The following UBL3 variants were observed in gnomAD, a reference collection of about 807,000 sequenced individuals.
UBL3 encodes ubiquitin like 3.
Under a neutral mutation model 18.4 loss-of-function variants are expected in UBL3, and 6 were observed. The observed-to-expected ratio is 0.33, with a 90% CI of 0.18 to 0.64. UBL3 has a LOEUF of 0.64. Ranked by LOEUF, UBL3 falls within the 30% of genes least tolerant of loss-of-function variation. UBL3 has a pLI of 0.76. For missense variants in UBL3, 109 were observed against 142.9 expected (o/e 0.76, Z 1.21); for synonymous variants, 49 against 46.6 (o/e 1.05, Z -0.21).
Position 29,781,416 on chromosome 13 carries a change from A to T in UBL3, c.28-4153T>A, listed in dbSNP as rs1877170574. 3.3e-5 allele frequency among the ~76,000 whole-genome samples: 5 copies of T among 152,326 alleles called. No homozygotes were observed. In the South Asian group the frequency reaches 1.0e-3, roughly 32 times the overall value. Reference sequence around the variant, plus strand: ...TGTATTACTTTTAAAATAGAGTAACATTTAATTCAAAGAGTACTCAATCAT... The same window carrying T: ...TGTATTACTTTTAAAATAGAGTAACTTTTAATTCAAAGAGTACTCAATCAT... On this transcript the variant is annotated intron_variant, in intron 1 of 4. Coordinates refer to ENST00000380680, the MANE Select transcript of UBL3 (RefSeq NM_007106.4).
At chr13:29,831,528 C>T (rs767161014) in intron 1 of UBL3, among the ~76,000 whole-genome samples, 2 of 148,406 alleles carry the variant, frequency 1.3e-5, no homozygotes, top group African/African-American at 2.5e-5. Context: ...ACGGAGGTTG[C>T]GGTGAGCCAA....
At chr13:29,776,233 GTTTT>G (rs964783505) in intron 2 of UBL3, among the ~76,000 whole-genome samples, 8 of 131,810 alleles carry the variant, frequency 6.1e-5, no homozygotes, top group Non-Finnish European at 5.0e-5. Context: ...ACTATTTTGT[GTTTT>G]TTTTTCTTTT....
At chr13:29,777,063 TA>T in intron 2 of UBL3, 91 bp downstream of exon 2, 13 of 1,032,654 alleles carry the variant, frequency 1.3e-5, no homozygotes, top group Non-Finnish European at 1.8e-5. Context: ...GTTGTTCTTT[TA>T]AATGTTATAT....
At chr13:29,771,918 A>C (rs1876850376) in intron 3 of UBL3, among the ~76,000 whole-genome samples, 194 bp downstream of exon 3, 1 of 152,088 alleles carries the variant, frequency 6.6e-6, no homozygotes, top group Non-Finnish European at 1.5e-5. Context: ...CAAGGTAGTA[A>C]ATACTTACTA....
At chr13:29,802,609 C>A (rs1372652035) in intron 1 of UBL3, among the ~76,000 whole-genome samples, 1 of 152,038 alleles carries the variant, frequency 6.6e-6, no homozygotes, top group African/African-American at 2.4e-5. Flanking sequence ...TAAGAAATGA[C>A]CAAACTGATC....
At chr13:29,794,624 T>G (rs933867199) in intron 1 of UBL3, among the ~76,000 whole-genome samples, 1 of 152,218 alleles carries the variant, frequency 6.6e-6, no homozygotes. Flanking sequence ...TATCTTTTAT[T>G]TTTCCTCCAT....
chr13:29,806,616 C>A (rs985381337), intron 1 of UBL3, among the ~76,000 whole-genome samples: 14 of 152,242 alleles, frequency 9.2e-5, no homozygotes, highest in African/African-American at 2.9e-4. Flanking sequence ...TATTTACTGA[C>A]CCCAGTCTAA....
Position 29,764,874 on chromosome 13 carries a change from C to T in UBL3, c.*2381G>A, listed in dbSNP as rs370112511. The T allele has an allele frequency of 1.3e-5, 2 of 152,256 alleles. No individual in the cohort carries two copies. Among genetic ancestry groups the T allele is most frequent in the South Asian group, 2.1e-4 (1 of 4,820 alleles). The allele number at this position is 152,256 out of a possible 1,614,324, so 9.4% of individuals were successfully genotyped here. A position where few individuals can be genotyped will look rare whatever the true frequency, so the allele number is the denominator to read the frequency against. ...ATATGAGGAATCGTATTTTAACCAC[C>T]AGGCAGTCCAAGGAATTATTTTTAA... On this transcript the variant is annotated 3_prime_UTR_variant, in exon 5 of 5. Coordinates refer to ENST00000380680, the MANE Select transcript of UBL3 (RefSeq NM_007106.4).
chr13:29,798,750 T>G (rs1437358441), intron 1 of UBL3, among the ~76,000 whole-genome samples: 1 of 152,198 alleles, frequency 6.6e-6, no homozygotes, highest in Non-Finnish European at 1.5e-5. Flanking sequence ...TCTTCTTAAA[T>G]GAGCAAAATT....
At chr13:29,835,586 C>T (rs946638236) in intron 1 of UBL3, among the ~76,000 whole-genome samples, 5 of 151,482 alleles carry the variant, frequency 3.3e-5, no homozygotes, top group Non-Finnish European at 5.9e-5. Context: ...GAATCCCCAT[C>T]TCTACTAAAA....
chr13:29,849,977 G>A lies in UBL3; in HGVS notation c.-439C>T, dbSNP rs548828585. The A allele has an allele frequency of 1.1e-5, 3 of 270,064 alleles. No homozygotes were observed. The East Asian group carries it at 3.1e-4, about 28-fold the overall frequency. The allele number at this position is 270,064 out of a possible 1,614,324, so 16.7% of individuals were successfully genotyped here. ...CATTAAGCAGGAGAAAAATGCCCCA[G>A]CGTGGATGTACACAGATAACTATGT... is the stretch of plus-strand genomic sequence containing the variant. On this transcript the variant is annotated 5_prime_UTR_variant, in exon 1 of 5. Transcript: ENST00000380680.
intron 1 of UBL3, among the ~76,000 whole-genome samples, chr13:29,807,636 C>A (rs1425428047): frequency 3.3e-5 from 5 of 151,950 alleles, no homozygotes; most frequent in African/African-American, 4.8e-5. Flanking sequence ...AATCTAATAA[C>A]TGTAAGTATA....
chr13:29,780,705 T>C (rs1269367025), intron 1 of UBL3, among the ~76,000 whole-genome samples: 1 of 152,058 alleles, frequency 6.6e-6, no homozygotes, highest in African/African-American at 2.4e-5. Flanking sequence ...AGACTACATT[T>C]ACCTATCCTA....
chr13:29,785,766 A>G (rs188598504), intron 1 of UBL3, among the ~76,000 whole-genome samples: 1 of 152,350 alleles, frequency 6.6e-6, no homozygotes, highest in Non-Finnish European at 1.5e-5. Flanking sequence ...CCTGGATTGC[A>G]AAAGGTTAAT....
At chr13:29,838,636 A>G (rs529720656) in intron 1 of UBL3, among the ~76,000 whole-genome samples, 2 of 152,328 alleles carry the variant, frequency 1.3e-5, no homozygotes, top group East Asian at 3.9e-4. Flanking sequence ...ACCAGTAAAG[A>G]TAGTAAAAGA....
At chr13:29,771,740 A>G (rs1876844991) in intron 3 of UBL3, among the ~76,000 whole-genome samples, 1 of 152,056 alleles carries the variant, frequency 6.6e-6, no homozygotes, top group Non-Finnish European at 1.5e-5. Flanking sequence ...ATCTGAAAAC[A>G]TCCCTTCATA....
Position 29,766,228 on chromosome 13 carries a change from T to G in UBL3, c.*1027A>C, listed in dbSNP as rs1302467965. The G allele has an allele frequency of 6.6e-6, 1 of 152,540 alleles. No homozygotes were observed. The highest frequency in any genetic ancestry group is 1.5e-5 in the Non-Finnish European group (1 of 68,004). The allele number at this position is 152,540 out of a possible 1,614,324, so 9.4% of individuals were successfully genotyped here. On this transcript the variant is annotated 3_prime_UTR_variant, in exon 5 of 5. Coordinates refer to ENST00000380680, the MANE Select transcript of UBL3 (RefSeq NM_007106.4). ...CTTGTGTATGCCATAAAAATCAGCTTTTGACTTTAATACAATTGCAAGCAC... is the reference window on the plus strand; with the variant it reads ...CTTGTGTATGCCATAAAAATCAGCTGTTGACTTTAATACAATTGCAAGCAC...
chr13:29,796,834 TAGA>T (rs1297409357), intron 1 of UBL3, among the ~76,000 whole-genome samples: 1 of 152,242 alleles, frequency 6.6e-6, no homozygotes, highest in African/African-American at 2.4e-5. Context: ...GTCATTCTTC[TAGA>T]AGGTTTGAGG....
chr13:29,822,169 T>C (rs1180819917), intron 1 of UBL3, among the ~76,000 whole-genome samples: 2 of 152,260 alleles, frequency 1.3e-5, no homozygotes, highest in African/African-American at 4.8e-5. Flanking sequence ...TGTGTAAATT[T>C]TGTAATCACA....
Sources: gnomAD v4.1 joint callset for allele counts (sites outside exome capture counted in the v4.1 genomes callset) on GRCh38, gnomAD v4.1.1 for gene constraint, MANE v1.5 for transcripts, NCBI Gene and HGNC (gene_info 2026-07-23, HGNC 2026-07-21) for gene names.